DMD: variants seen among roughly 807,000 people sequenced by gnomAD.
DMD encodes dystrophin.
In DMD, 63 loss-of-function variants were observed where a neutral mutation model predicts 330.1. The ratio of observed to expected loss-of-function variants is 0.19; its 90% CI spans 0.16 to 0.24. The LOEUF (loss-of-function observed/expected upper bound fraction) is 0.24, where lower values mean the gene tolerates loss of function less well. Among genes scored for constraint, DMD ranks in the 10% least tolerant of loss-of-function variants. DMD has a pLI of 1.00. For missense variants in DMD, 3,344 were observed against 2,684.1 expected (o/e 1.25, Z -5.43); for synonymous variants, 1,223 against 959.8 (o/e 1.27, Z -5.07).
intron 7 of DMD, among the ~76,000 whole-genome samples, chrX:32,699,727 G>A (rs1305211015): frequency 8.9e-6 from 1 of 111,741 alleles, no homozygotes; most frequent in Non-Finnish European, 1.9e-5. Flanking sequence ...TCTCAGTAAA[G>A]AAACCTGATA....
intron 50 of DMD, among the ~76,000 whole-genome samples, chrX:31,805,563 G>C (rs2092262742): frequency 8.9e-6 from 1 of 111,814 alleles, no homozygotes; most frequent in Admixed American, 9.5e-5. Flanking sequence ...TTGATGCTGA[G>C]ATAGGAAAAC....
chrX:31,520,514 G>C (rs1387467676), intron 55 of DMD, among the ~76,000 whole-genome samples: 1 of 111,024 alleles, frequency 9.0e-6, no homozygotes, highest in East Asian at 2.8e-4. Flanking sequence ...CCAGTCTCAG[G>C]GAAGTTCTTT....
intron 43 of DMD, among the ~76,000 whole-genome samples, chrX:32,257,510 C>T (rs2097304163): frequency 9.0e-6 from 1 of 111,344 alleles, no homozygotes; most frequent in Non-Finnish European, 1.9e-5. Flanking sequence ...AAAAATAATG[C>T]CACACATCTA....
intron 51 of DMD, among the ~76,000 whole-genome samples, chrX:31,734,992 T>C (rs914721313): frequency 9.0e-6 from 1 of 111,711 alleles, no homozygotes; most frequent in African/African-American, 3.3e-5. Context: ...TGAGGACTCC[T>C]GTTACTGCAT....
chrX:32,920,102 G>C (rs1161420497), intron 2 of DMD, among the ~76,000 whole-genome samples: 1 of 111,181 alleles, frequency 9.0e-6, no homozygotes, highest in Non-Finnish European at 1.9e-5. Flanking sequence ...ACACTAGATG[G>C]ATAAAGATAA....
At chrX:32,156,633 C>CAA (rs2147221041) in intron 44 of DMD, among the ~76,000 whole-genome samples, 1 of 62,241 alleles carries the variant, frequency 1.6e-5, no homozygotes, top group South Asian at 6.4e-4. Flanking sequence ...CAAAAGGATA[C>CAA]ACACACACAC....
At chrX:32,406,061 A>G (rs1331267763) in intron 30 of DMD, among the ~76,000 whole-genome samples, 1 of 111,183 alleles carries the variant, frequency 9.0e-6, no homozygotes, top group African/African-American at 3.3e-5. Context: ...TTTGTCTGTT[A>G]TTGGTGTATA....
At chrX:32,975,830 C>G (rs760832406) in intron 2 of DMD, among the ~76,000 whole-genome samples, 2 of 111,613 alleles carry the variant, frequency 1.8e-5, no homozygotes, top group African/African-American at 6.5e-5. Flanking sequence ...CATGCCATCA[C>G]AGGGCCAGTT....
At chrX:32,236,494 T>G (rs1213835673) in intron 43 of DMD, among the ~76,000 whole-genome samples, 1 of 112,143 alleles carries the variant, frequency 8.9e-6, no homozygotes, top group Non-Finnish European at 1.9e-5. Flanking sequence ...CACCCAAATC[T>G]CATCTTGAAT....
intron 65 of DMD, among the ~76,000 whole-genome samples, chrX:31,207,773 C>CT (rs1245022387): frequency 1.8e-5 from 2 of 111,300 alleles, no homozygotes; most frequent in African/African-American, 6.5e-5. Context: ...GGGTACTGCG[C>CT]TTAACCCATT....
intron 2 of DMD, among the ~76,000 whole-genome samples, chrX:32,915,949 G>T (rs1307393747): frequency 9.0e-6 from 1 of 110,561 alleles, no homozygotes; most frequent in Non-Finnish European, 1.9e-5. Context: ...AGCTATTAGG[G>T]CCAAATGAAT....
chrX:33,318,547 G>A (rs976307023), intron 1 of DMD, among the ~76,000 whole-genome samples: 5 of 107,227 alleles, frequency 4.7e-5, no homozygotes, highest in Non-Finnish European at 9.6e-5. Flanking sequence ...TCCCAGGTTC[G>A]AGTGATTCTC....
intron 68 of DMD, among the ~76,000 whole-genome samples, chrX:31,181,573 A>C (rs1371926214): frequency 9.0e-6 from 1 of 111,570 alleles, no homozygotes; most frequent in Admixed American, 9.6e-5. Flanking sequence ...TTACCTGCCA[A>C]GAAACCGGGA....
intron 44 of DMD, among the ~76,000 whole-genome samples, chrX:31,990,203 T>G (rs752213141): frequency 8.9e-6 from 1 of 112,408 alleles, no homozygotes; most frequent in South Asian, 3.7e-4. Context: ...TTTTTCAAAG[T>G]CTTCGACATT....
chrX:31,474,576 G>C (rs908251610), intron 59 of DMD, among the ~76,000 whole-genome samples: 50 of 107,734 alleles, frequency 4.6e-4, no homozygotes, highest in African/African-American at 1.7e-3. Context: ...TGGGCATGGT[G>C]GTGGGCGCCT....
intron 1 of DMD, among the ~76,000 whole-genome samples, chrX:33,045,857 T>C (rs2094374168): frequency 1.8e-5 from 2 of 111,548 alleles, no homozygotes; most frequent in African/African-American, 3.3e-5. Context: ...GATAAGCAGC[T>C]AACATGTGTC....
At chrX:31,386,205 A>G (rs983354291) in intron 60 of DMD, among the ~76,000 whole-genome samples, 8 of 111,577 alleles carry the variant, frequency 7.2e-5, no homozygotes, top group African/African-American at 2.6e-4. Flanking sequence ...GAAGGAGAAC[A>G]TCACACACCA....
chrX:32,132,993 C>CTTTTTTTTTTTTTTTTTTTTTTTTTTTT lies in DMD; in HGVS notation c.6438+83895_6438+83922dup, dbSNP rs377615262. On this transcript the variant is annotated intron_variant, in intron 44 of 78. Coordinates refer to ENST00000357033, the MANE Select transcript of DMD (RefSeq NM_004006.3). ...TCTCATTGATCACTCCTTTTCTTTT[C>CTTTTTTTTTTTTTTTTTTTTTTTTTTTT]TTTTTTTTTTTTTTTTTTTTTTTTT... 1.8e-4 allele frequency among the ~76,000 whole-genome samples: 14 copies of CTTTTTTTTTTTTTTTTTTTTTTTTTTTT among 75,955 alleles called. 1 individual carries two copies. The highest frequency in any genetic ancestry group is 1.7e-3 in the Admixed American group (10 of 5,930). 66.0% of individuals were successfully genotyped at this position (75,955 alleles called of 115,157 possible).
rs745406001 is a variant in DMD at position 31,138,686 on chromosome X, A to AGAGGGAGAGAGAGTGT, written c.10922-4493_10922-4492insACACTCTCTCTCCCTC. Among the ~76,000 whole-genome samples the AGAGGGAGAGAGAGTGT allele has an allele frequency of 3.5e-4, 31 of 87,470 alleles. 2 individuals are homozygous for AGAGGGAGAGAGAGTGT. Among genetic ancestry groups the AGAGGGAGAGAGAGTGT allele is most frequent in the East Asian group, 3.1e-3 (8 of 2,557 alleles). The allele number at this position is 87,470 out of a possible 115,157, so 76.0% of individuals were successfully genotyped here. A position where few individuals can be genotyped will look rare whatever the true frequency, so the allele number is the denominator to read the frequency against. Reference sequence around the variant, plus strand: ...GAGAGAGAGAGAGAGAGAGAGAGAGAGAAGGGGGAAGTGCCACACACTTTA... The same window carrying AGAGGGAGAGAGAGTGT: ...GAGAGAGAGAGAGAGAGAGAGAGAGAGAGGGAGAGAGAGTGTGAAGGGGGAAGTGCCACACACTTTA... On this transcript the variant is annotated intron_variant, in intron 76 of 78. Transcript: ENST00000357033.
Sources: allele counts gnomAD v4.1 joint callset (sites outside exome capture counted in the v4.1 genomes callset), GRCh38; gene constraint gnomAD v4.1.1; transcripts MANE v1.5; gene names NCBI Gene and HGNC (gene_info 2026-07-23, HGNC 2026-07-21).